The following THADA variants were observed in gnomAD, a reference collection of about 807,000 sequenced individuals.
THADA encodes the protein tRNA (32-2'-O)-methyltransferase regulator THADA.
THADA carries 213 observed loss-of-function variants against 219.8 expected under a neutral mutation model. That is an observed-to-expected ratio of 0.97 (90% confidence interval 0.87 to 1.09). The LOEUF is 1.09. Among genes scored for constraint, THADA ranks in the 50% least tolerant of loss-of-function variants. The pLI is 0.00. For synonymous variants in THADA, 1,018 were observed against 828.9 expected (o/e 1.23, Z -3.92); for missense variants, 2,956 against 2,311.3 (o/e 1.28, Z -5.72).
chr2:43,395,345 G>A (rs551702358), intron 29 of THADA, among the ~76,000 whole-genome samples: 4 of 152,346 alleles, frequency 2.6e-5, no homozygotes, highest in South Asian at 2.1e-4. Context: ...ATCAAGAGAT[G>A]TAAATTTTGA....
chr2:43,338,717 T>C (rs1173966103), intron 30 of THADA, among the ~76,000 whole-genome samples: 1 of 152,224 alleles, frequency 6.6e-6, no homozygotes, highest in Non-Finnish European at 1.5e-5. Flanking sequence ...CTAAGTAATA[T>C]TCTGGTGTAT....
chr2:43,552,644 G>A (rs1015026640), intron 17 of THADA, among the ~76,000 whole-genome samples: 1 of 151,846 alleles, frequency 6.6e-6, no homozygotes, highest in South Asian at 2.1e-4. Flanking sequence ...GACAGCAGAT[G>A]GCTTTCAAAT....
chr2:43,311,863 TGTGC>T (rs1185728474), intron 31 of THADA, among the ~76,000 whole-genome samples: 1 of 152,186 alleles, frequency 6.6e-6, no homozygotes, highest in African/African-American at 2.4e-5. Context: ...TTATCTGTGA[TGTGC>T]AGCTGGAGCT....
intron 28 of THADA, among the ~76,000 whole-genome samples, chr2:43,422,987 C>T (rs892569910): frequency 2.0e-5 from 3 of 152,198 alleles, no homozygotes; most frequent in African/African-American, 4.8e-5. Context: ...ATCAGACATA[C>T]AAAATGATGA....
chr2:43,534,233 C>T (rs565992791), intron 21 of THADA, among the ~76,000 whole-genome samples: 2 of 152,212 alleles, frequency 1.3e-5, no homozygotes, highest in Admixed American at 6.5e-5. Flanking sequence ...ATGGGGTACA[C>T]AGTAATGTTT....
chr2:43,360,375 A>G (rs1669366140), intron 29 of THADA, among the ~76,000 whole-genome samples: 1 of 152,232 alleles, frequency 6.6e-6, no homozygotes, highest in Non-Finnish European at 1.5e-5. Context: ...CAGTTAACTC[A>G]ACAGTGAAAG....
intron 10 of THADA, among the ~76,000 whole-genome samples, chr2:43,576,632 C>T (rs147366254): frequency 7.2e-5 from 11 of 152,232 alleles, no homozygotes; most frequent in Non-Finnish European, 1.3e-4. Flanking sequence ...ATGTTCTTTA[C>T]AGGCTAACCT....
intron 36 of THADA, among the ~76,000 whole-genome samples, chr2:43,265,037 G>A (rs984027750): frequency 1.3e-5 from 2 of 152,254 alleles, no homozygotes; most frequent in African/African-American, 4.8e-5. Flanking sequence ...TGCTTCTGCA[G>A]GTTCTGATCC....
intron 15 of THADA, chr2:43,565,976 T>TTAAAAA: frequency 6.5e-6 from 1 of 153,446 alleles, no homozygotes; most frequent in Non-Finnish European, 1.4e-5. Flanking sequence ...AAGTCCCAGC[T>TTAAAAA]ACTCGGGAGG....
intron 30 of THADA, among the ~76,000 whole-genome samples, chr2:43,331,406 G>A (rs1388749929): frequency 2.0e-5 from 3 of 152,208 alleles, no homozygotes; most frequent in East Asian, 1.9e-4. Flanking sequence ...ACCACTAAGC[G>A]AGGTTGGAAA....
intron 34 of THADA, among the ~76,000 whole-genome samples, chr2:43,290,388 G>T (rs953199161): frequency 6.6e-6 from 1 of 151,526 alleles, no homozygotes; most frequent in Non-Finnish European, 1.5e-5. Context: ...GACCTCCTAC[G>T]TTTGGCTCCC....
intron 36 of THADA, among the ~76,000 whole-genome samples, chr2:43,267,652 C>G (rs968691430): frequency 4.6e-5 from 7 of 152,132 alleles, no homozygotes; most frequent in African/African-American, 1.7e-4. Context: ...TCCGGCTCAC[C>G]AGATTGTGGA....
intron 29 of THADA, among the ~76,000 whole-genome samples, chr2:43,348,448 C>G (rs1667888268): frequency 6.6e-6 from 1 of 152,188 alleles, no homozygotes; most frequent in Admixed American, 6.5e-5. Flanking sequence ...GAACCCAAAT[C>G]TCTACTAAAA....
chr2:43,295,000 T>C (rs1193890536), intron 31 of THADA, among the ~76,000 whole-genome samples: 1 of 152,210 alleles, frequency 6.6e-6, no homozygotes, highest in Non-Finnish European at 1.5e-5. Flanking sequence ...GGCTCATGCC[T>C]GTAATCCCAA....
intron 28 of THADA, among the ~76,000 whole-genome samples, chr2:43,424,051 C>A (rs1288279069): frequency 2.0e-5 from 3 of 152,138 alleles, no homozygotes. Flanking sequence ...AACATCAGAA[C>A]ATAAAATACA....
chr2:43,546,699 CT>C (rs1429694879), intron 20 of THADA, among the ~76,000 whole-genome samples: 1 of 151,840 alleles, frequency 6.6e-6, no homozygotes, highest in African/African-American at 2.4e-5. Context: ...CAACCCCTGC[CT>C]TTTTTTGGTT....
intron 19 of THADA, among the ~76,000 whole-genome samples, chr2:43,551,578 C>G (rs1696744730): frequency 7.0e-6 from 1 of 142,166 alleles, no homozygotes. Flanking sequence ...TGCTCATCCT[C>G]TGGTTTGGGA....
At chr2:43,366,976 G>A (rs1259375195) in intron 29 of THADA, among the ~76,000 whole-genome samples, 1 of 151,994 alleles carries the variant, frequency 6.6e-6, no homozygotes, top group Non-Finnish European at 1.5e-5. Context: ...AACAAAATAT[G>A]GTATATCATG....
At chr2:43,509,009 C>T (rs1690048517) in intron 22 of THADA, among the ~76,000 whole-genome samples, 1 of 151,994 alleles carries the variant, frequency 6.6e-6, no homozygotes, top group Admixed American at 6.6e-5. Flanking sequence ...GTCTTGTCTG[C>T]AAAATAAATT....
Sources: allele counts gnomAD v4.1 joint callset (sites outside exome capture counted in the v4.1 genomes callset), GRCh38; gene constraint gnomAD v4.1.1; transcripts MANE v1.5; gene names NCBI Gene and HGNC (gene_info 2026-07-23, HGNC 2026-07-21).